The following MICU1 variants were observed in gnomAD, a reference collection of about 807,000 sequenced individuals.
MICU1 encodes the protein calcium uptake protein 1, mitochondrial.
In MICU1, 45 loss-of-function variants were observed where a neutral mutation model predicts 56.8. The ratio of observed to expected loss-of-function variants is 0.79; its 90% CI spans 0.62 to 1.02. MICU1 has a LOEUF of 1.02. MICU1 is among the 50% of genes least tolerant of loss of function. MICU1 has a pLI of 0.00. For missense variants in MICU1, 504 were observed against 587.1 expected (o/e 0.86, Z 1.46); for synonymous variants, 186 against 195.1 (o/e 0.95, Z 0.39).
At chr10:72,554,054 T>C (rs963538562) in intron 3 of MICU1, among the ~76,000 whole-genome samples, 3 of 152,196 alleles carry the variant, frequency 2.0e-5, no homozygotes, top group Non-Finnish European at 4.4e-5. Context: ...AAGACTTTCT[T>C]GAGCATTATT....
At chr10:72,465,114 C>T (rs1202360775) in intron 8 of MICU1, among the ~76,000 whole-genome samples, 2 of 152,148 alleles carry the variant, frequency 1.3e-5, no homozygotes, top group African/African-American at 4.8e-5. Flanking sequence ...GATTCTCATG[C>T]CTCAGCCTCC....
intron 3 of MICU1, among the ~76,000 whole-genome samples, chr10:72,553,125 T>C (rs562676083): frequency 6.6e-6 from 1 of 152,362 alleles, no homozygotes; most frequent in Admixed American, 6.5e-5. Context: ...GTAAAGAGTT[T>C]TGCAACCTCT....
At chr10:72,445,737 G>A (rs1416479897) in intron 8 of MICU1, among the ~76,000 whole-genome samples, 1 of 152,154 alleles carries the variant, frequency 6.6e-6, no homozygotes, top group East Asian at 1.9e-4. Context: ...CCTTGGTTAT[G>A]TATCAACTGT....
chr10:72,605,476 A>C (rs1043784260), intron 1 of MICU1, among the ~76,000 whole-genome samples: 6 of 152,248 alleles, frequency 3.9e-5, no homozygotes, highest in African/African-American at 7.2e-5. Flanking sequence ...CTTTCTTAAT[A>C]AACTTGCTCA....
At chr10:72,400,866 TACAC>T (rs61091649) in intron 10 of MICU1, among the ~76,000 whole-genome samples, 5,877 of 142,184 alleles carry the variant, frequency 0.041, 136 homozygotes, top group East Asian at 0.12. Flanking sequence ...CTGGTGGTGC[TACAC>T]ACACACACAC....
intron 6 of MICU1, among the ~76,000 whole-genome samples, chr10:72,507,686 C>T (rs1589289804): frequency 2.0e-5 from 3 of 152,254 alleles, no homozygotes; most frequent in Middle Eastern, 6.8e-3. Context: ...CACTCTGTTG[C>T]CCAGGCTGGA....
intron 9 of MICU1, 116 bp from the exon 10 acceptor site, chr10:72,408,153 A>T: frequency 3.2e-6 from 2 of 630,508 alleles, no homozygotes; most frequent in Non-Finnish European, 5.6e-6. Flanking sequence ...CTAGAACAGA[A>T]ACTGAATACA....
intron 5 of MICU1, among the ~76,000 whole-genome samples, chr10:72,515,408 G>T (rs1019275533): frequency 3.9e-5 from 6 of 152,064 alleles, no homozygotes; most frequent in Admixed American, 2.6e-4. Context: ...TCTTAACCTT[G>T]ACAGTTTTAA....
At chr10:72,457,068 T>C (rs1865493791) in intron 8 of MICU1, among the ~76,000 whole-genome samples, 1 of 151,554 alleles carries the variant, frequency 6.6e-6, no homozygotes, top group Non-Finnish European at 1.5e-5. Context: ...AAGCGATCCT[T>C]CTGCCTTAGC....
chr10:72,444,255 G>A (rs985473746), intron 8 of MICU1, among the ~76,000 whole-genome samples: 2 of 151,948 alleles, frequency 1.3e-5, no homozygotes, highest in Admixed American at 6.6e-5. Context: ...ATAGCACTGG[G>A]AGATATACCT....
intron 8 of MICU1, among the ~76,000 whole-genome samples, chr10:72,466,538 G>C (rs1003458628): frequency 1.3e-5 from 2 of 152,138 alleles, no homozygotes; most frequent in Non-Finnish European, 2.9e-5. Flanking sequence ...CAAAGCGGAA[G>C]TACAAAACTA....
At chr10:72,503,840 C>G (rs540416195) in intron 6 of MICU1, among the ~76,000 whole-genome samples, 1 of 149,804 alleles carries the variant, frequency 6.7e-6, no homozygotes, top group East Asian at 2.0e-4. Context: ...AGAGCCAAAT[C>G]AAGAACTCAA....
intron 1 of MICU1, among the ~76,000 whole-genome samples, chr10:72,609,940 CAG>C (rs1270166755): frequency 6.6e-6 from 1 of 151,534 alleles, no homozygotes; most frequent in Non-Finnish European, 1.5e-5. Context: ...GAAGCTGAGG[CAG>C]AGAGTTGCTT....
At chr10:72,593,780 AC>A (rs1242366892) in intron 1 of MICU1, among the ~76,000 whole-genome samples, 2 of 152,216 alleles carry the variant, frequency 1.3e-5, no homozygotes, top group Admixed American at 6.5e-5. Context: ...TTACAATGGC[AC>A]CAAAAATAAT....
chr10:72,536,923 T>C (rs1839652127), intron 4 of MICU1, among the ~76,000 whole-genome samples: 1 of 152,220 alleles, frequency 6.6e-6, no homozygotes, highest in Admixed American at 6.5e-5. Context: ...GGTTTTAGGT[T>C]ATCAGGGCAA....
intron 5 of MICU1, among the ~76,000 whole-genome samples, chr10:72,523,319 T>G (rs535484786): frequency 6.6e-6 from 1 of 152,224 alleles, no homozygotes; most frequent in Non-Finnish European, 1.5e-5. Context: ...TGTATGATGT[T>G]TGTGCCATGG....
rs148732335 is a variant in MICU1 at position 72,436,516 on chromosome 10, C to T, written c.934-13145G>A. Reference sequence around the variant, plus strand: ...TCAGAGCGCATCTTCTCCAAAGGATCGCAGCTCCTTGCCAGCAACAGAACA... The same window carrying T: ...TCAGAGCGCATCTTCTCCAAAGGATTGCAGCTCCTTGCCAGCAACAGAACA... On this transcript the variant is annotated intron_variant, in intron 8 of 11. Transcript: ENST00000361114. Among the ~76,000 whole-genome samples, 772 of 152,270 alleles carry T rather than the reference C, an allele frequency of 5.1e-3. 7 individuals carry two copies. The highest frequency in any genetic ancestry group is 0.018 in the African/African-American group (728 of 41,548).
At chr10:72,611,631 T>C (rs1841852449) in intron 1 of MICU1, among the ~76,000 whole-genome samples, 1 of 151,454 alleles carries the variant, frequency 6.6e-6, no homozygotes, top group Admixed American at 6.6e-5. Context: ...AGAATTAAGA[T>C]AAAAGTGAAA....
intron 1 of MICU1, among the ~76,000 whole-genome samples, chr10:72,605,160 A>G (rs1841652620): frequency 6.6e-6 from 1 of 152,200 alleles, no homozygotes; most frequent in African/African-American, 2.4e-5. Flanking sequence ...GATGACAACG[A>G]AAACAACCTA....
Sources: gnomAD v4.1 joint callset for allele counts (sites outside exome capture counted in the v4.1 genomes callset) on GRCh38, gnomAD v4.1.1 for gene constraint, MANE v1.5 for transcripts, NCBI Gene and HGNC (gene_info 2026-07-23, HGNC 2026-07-21) for gene names.